The following BNC2 variants were observed in gnomAD, a reference collection of about 807,000 sequenced individuals.
BNC2 encodes the protein zinc finger protein basonuclin-2.
In BNC2, 20 loss-of-function variants were observed where a neutral mutation model predicts 76.3. That is an observed-to-expected ratio of 0.26 (90% CI 0.18 to 0.38). The LOEUF (loss-of-function observed/expected upper bound fraction) is 0.38. Among genes scored for constraint, BNC2 ranks in the 10% least tolerant of loss-of-function variants. The probability of loss-of-function intolerance (pLI) is 1.00; values close to 1 mark genes in which losing one functional copy is unlikely to be tolerated. For missense variants in BNC2, 1,382 were observed against 1,399.8 expected, an observed-to-expected ratio of 0.99 and a Z score of 0.20; for synonymous variants, 582 against 514.8, an observed-to-expected ratio of 1.13 and a Z score of -1.77.
intron 5 of BNC2, among the ~76,000 whole-genome samples, chr9:16,454,836 T>C (rs553216909): frequency 1.3e-5 from 2 of 152,344 alleles, no homozygotes; most frequent in African/African-American, 2.4e-5. Context: ...AGAATATTAA[T>C]ATTTTCTAAT....
At chr9:16,502,895 A>G (rs1312446476) in intron 5 of BNC2, among the ~76,000 whole-genome samples, 2 of 152,174 alleles carry the variant, frequency 1.3e-5, no homozygotes, top group African/African-American at 4.8e-5. Flanking sequence ...AGGTGGTTTC[A>G]TGTGGCCTCA....
chr9:16,456,439 G>C (rs139986137), intron 5 of BNC2, among the ~76,000 whole-genome samples: 258 of 151,238 alleles, frequency 1.7e-3, no homozygotes, highest in African/African-American at 6.1e-3. Flanking sequence ...GCTGAGGCAG[G>C]AGAATGGCAT....
chr9:16,785,618 A>C (rs1412055696), intron 1 of BNC2, among the ~76,000 whole-genome samples: 3 of 149,924 alleles, frequency 2.0e-5, no homozygotes, highest in Non-Finnish European at 4.4e-5. Context: ...GGCTGGTCTC[A>C]AACTCCTGAC....
rs192952070 is a variant in BNC2, at chr9:16,425,837, T to C, written c.2640-6188A>G. Among the ~76,000 whole-genome samples, 5 of 152,368 alleles carry C rather than the reference T, an allele frequency of 3.3e-5. No homozygotes were observed. In the East Asian group the frequency reaches 5.8e-4, roughly 18 times the overall value. On this transcript the variant is annotated intron_variant, in intron 6 of 6. Transcript: ENST00000380672. ...TGCATAAAAAATGTTAATGTAGTGA[T>C]GGCATTTGGGAAGGCAGATTGGTAG...
chr9:16,716,629 A>C (rs536231848), intron 3 of BNC2, among the ~76,000 whole-genome samples: 4 of 152,322 alleles, frequency 2.6e-5, no homozygotes, highest in African/African-American at 9.6e-5. Context: ...CTATATTAAA[A>C]ACAGGCTATC....
chr9:16,799,920 A>C (rs1817740970), intron 1 of BNC2, among the ~76,000 whole-genome samples: 1 of 152,172 alleles, frequency 6.6e-6, no homozygotes, highest in Admixed American at 6.6e-5. Context: ...ACTTTGGCTC[A>C]CACAGAGAAG....
chr9:16,565,482 T>C (rs934582245), intron 4 of BNC2, among the ~76,000 whole-genome samples: 2 of 152,056 alleles, frequency 1.3e-5, no homozygotes, highest in African/African-American at 4.8e-5. Flanking sequence ...TTGGGCCCAC[T>C]TGAAGTTAAT....
chr9:16,679,579 G>C (rs528493257), intron 3 of BNC2, among the ~76,000 whole-genome samples: 1 of 152,116 alleles, frequency 6.6e-6, no homozygotes, highest in Non-Finnish European at 1.5e-5. Flanking sequence ...TCAGCTTCCT[G>C]TGCAGCGCTG....
At position 16,708,506 on chromosome 9, in the gene BNC2, C is replaced by A. The variant is rs1392142453; in HGVS notation, c.330+19291G>T. Among the ~76,000 whole-genome samples the A allele has an allele frequency of 2.6e-5, 4 of 151,936 alleles. 1 individual carries two copies. Among genetic ancestry groups the A allele is most frequent in the African/African-American group, 9.7e-5 (4 of 41,348 alleles). On this transcript the variant is annotated intron_variant, in intron 3 of 6. Coordinates refer to ENST00000380672, the MANE Select transcript of BNC2 (RefSeq NM_017637.6). ...TGCAAGCAAAGGCAGTTAACAGACA[C>A]CAACCCTGAGTGAGGGAAAACTCAC...
intron 1 of BNC2, among the ~76,000 whole-genome samples, chr9:16,801,827 C>T (rs1366569666): frequency 6.6e-6 from 1 of 151,740 alleles, no homozygotes; most frequent in Non-Finnish European, 1.5e-5. Context: ...TACTGTATAG[C>T]TTCAAAACAG....
intron 4 of BNC2, among the ~76,000 whole-genome samples, chr9:16,560,838 C>A (rs1818989578): frequency 6.6e-6 from 1 of 152,220 alleles, no homozygotes; most frequent in African/African-American, 2.4e-5. Flanking sequence ...AGACATGACA[C>A]CTATCCAGCA....
At chr9:16,605,088 G>C (rs558549615) in intron 3 of BNC2, among the ~76,000 whole-genome samples, 1 of 152,240 alleles carries the variant, frequency 6.6e-6, no homozygotes, top group Non-Finnish European at 1.5e-5. Flanking sequence ...GAATAAGTCA[G>C]TATTTCAAAA....
intron 1 of BNC2, among the ~76,000 whole-genome samples, chr9:16,851,611 T>C (rs1044888987): frequency 6.6e-6 from 1 of 152,248 alleles, no homozygotes; most frequent in Non-Finnish European, 1.5e-5. Context: ...AATTATAAAA[T>C]GGTACTGTAA....
chr9:16,572,676 A>G (rs562054389), intron 4 of BNC2, among the ~76,000 whole-genome samples: 1 of 152,220 alleles, frequency 6.6e-6, no homozygotes, highest in East Asian at 1.9e-4. Flanking sequence ...AGAGGGGAGT[A>G]AAGGGGTGGG....
intron 5 of BNC2, among the ~76,000 whole-genome samples, chr9:16,536,402 TAGA>T (rs1276482174): frequency 6.6e-6 from 1 of 152,224 alleles, no homozygotes; most frequent in Non-Finnish European, 1.5e-5. Flanking sequence ...TTCTTTTCTG[TAGA>T]AGGTCTCAAA....
intron 3 of BNC2, among the ~76,000 whole-genome samples, chr9:16,664,747 C>T (rs1253140804): frequency 6.6e-6 from 1 of 151,888 alleles, no homozygotes; most frequent in Non-Finnish European, 1.5e-5. Context: ...AACAGGGGAT[C>T]TACAAGAGAC....
In BNC2 at chr9:16,763,001, G is replaced by T. The variant is rs79799435; in HGVS notation, c.4-24516C>A. ...AAGAAAGGTTAAGTGACTTGACCAA[G>T]ACTCACTTATCAATACAGTGATGTT... On this transcript the variant is annotated intron_variant, in intron 1 of 6. Coordinates refer to ENST00000380672, the MANE Select transcript of BNC2 (RefSeq NM_017637.6). Among the ~76,000 whole-genome samples the T allele has an allele frequency of 5.5e-3, 833 of 152,214 alleles. 14 individuals are homozygous for T. The highest frequency in any genetic ancestry group is 0.019 in the African/African-American group (798 of 41,534).
intron 3 of BNC2, among the ~76,000 whole-genome samples, chr9:16,617,671 T>C (rs531844432): frequency 3.4e-4 from 52 of 152,338 alleles, no homozygotes; most frequent in African/African-American, 1.3e-3. Flanking sequence ...GTTTCACTAA[T>C]GGTTTTCTGA....
At chr9:16,440,918 A>G (rs965899698) in intron 5 of BNC2, among the ~76,000 whole-genome samples, 5 of 152,242 alleles carry the variant, frequency 3.3e-5, no homozygotes, top group African/African-American at 1.2e-4. Flanking sequence ...ATTTATATTT[A>G]CACAGATAAA....
Sources: gnomAD v4.1 joint callset for allele counts (sites outside exome capture counted in the v4.1 genomes callset) on GRCh38, gnomAD v4.1.1 for gene constraint, MANE v1.5 for transcripts, NCBI Gene and HGNC (gene_info 2026-07-23, HGNC 2026-07-21) for gene names.